ALPK1: variants seen among roughly 807,000 people sequenced by gnomAD.
The protein encoded by ALPK1 is alpha kinase 1.
Under a neutral mutation model 120.6 loss-of-function variants are expected in ALPK1, and 110 were observed. The ratio of observed to expected loss-of-function variants is 0.91; its 90% CI spans 0.78 to 1.07. The LOEUF is 1.07. ALPK1 is among the 50% of genes least tolerant of loss of function. ALPK1 has a pLI of 0.00. For synonymous variants in ALPK1, 582 were observed against 560.3 expected (o/e 1.04, Z -0.55); for missense variants, 1,498 against 1,483.9 (o/e 1.01, Z -0.16).
intron 1 of ALPK1, among the ~76,000 whole-genome samples, chr4:112,301,971 C>T (rs1282010554): frequency 6.6e-6 from 1 of 152,176 alleles, no homozygotes; most frequent in Non-Finnish European, 1.5e-5. Flanking sequence ...GATGACCTCT[C>T]TCTCCAAAAC....
chr4:112,433,334 G>C (rs1312618512), intron 11 of ALPK1, among the ~76,000 whole-genome samples: 1 of 152,170 alleles, frequency 6.6e-6, no homozygotes, highest in African/African-American at 2.4e-5. Flanking sequence ...ATAGTGGAAG[G>C]GGGAAGGGTT....
At chr4:112,438,730 C>A in intron 13 of ALPK1, 84 bp downstream of exon 13, 1 of 1,463,442 alleles carries the variant, frequency 6.8e-7, no homozygotes. Context: ...TCCACATAAT[C>A]AGGCTAGCAT....
intron 5 of ALPK1, among the ~76,000 whole-genome samples, chr4:112,420,600 T>G (rs1733948082): frequency 6.6e-6 from 1 of 152,064 alleles, no homozygotes; most frequent in South Asian, 2.1e-4. Flanking sequence ...ATAATTTCAA[T>G]AGGCGCTTCT....
Position 112,431,704 on chromosome 4 carries a change from T to G in ALPK1, c.2157T>G (p.Ser719=). 1.2e-6 allele frequency: 2 copies of G among 1,614,238 alleles called. 1 individual carries two copies. Among genetic ancestry groups the G allele is most frequent in the South Asian group, 2.2e-5 (2 of 91,088 alleles). ...CTCACTCCAGACCCTCATATCGTTC[T>G]GCTTCTTGGTCTTCTGATTCTGGTA... ...TSAHSRPSYR[S]ASWSSDSGRP... is the part of the protein sequence containing the mutation. The change falls in exon 11 of 16, where the codon TCT becomes TCG. Residue 719 remains serine (S), a synonymous_variant. Coordinates refer to ENST00000650871, the MANE Select transcript of ALPK1 (RefSeq NM_025144.4).
intron 5 of ALPK1, among the ~76,000 whole-genome samples, chr4:112,419,283 C>T (rs1733882739): frequency 6.6e-6 from 1 of 152,130 alleles, no homozygotes; most frequent in African/African-American, 2.4e-5. Context: ...CTCTGTTTCT[C>T]TGTTTTTCTT....
intron 9 of ALPK1, among the ~76,000 whole-genome samples, chr4:112,428,466 A>G (rs1235792658): frequency 1.3e-5 from 2 of 152,226 alleles, no homozygotes; most frequent in Non-Finnish European, 2.9e-5. Context: ...CAGCTTGCTG[A>G]TGGTAATCTG....
intron 4 of ALPK1, among the ~76,000 whole-genome samples, chr4:112,389,092 T>G (rs1023863333): frequency 6.6e-6 from 1 of 150,712 alleles, no homozygotes; most frequent in Non-Finnish European, 1.5e-5. Context: ...TTGTCCAGGC[T>G]GGAGTGCAAT....
intron 2 of ALPK1, among the ~76,000 whole-genome samples, chr4:112,333,648 T>C (rs1015203334): frequency 3.3e-5 from 5 of 152,218 alleles, no homozygotes; most frequent in African/African-American, 1.2e-4. Context: ...CCCACATTAA[T>C]GTTTGACCCA....
chr4:112,321,825 A>G (rs1290698685), intron 2 of ALPK1, among the ~76,000 whole-genome samples: 1 of 152,244 alleles, frequency 6.6e-6, no homozygotes, highest in African/African-American at 2.4e-5. Flanking sequence ...ATGTTCCACA[A>G]AATTTTCCAT....
At chr4:112,334,754 C>T (rs970707880) in intron 2 of ALPK1, among the ~76,000 whole-genome samples, 1 of 152,090 alleles carries the variant, frequency 6.6e-6, no homozygotes, top group Non-Finnish European at 1.5e-5. Context: ...TAATGTTGGA[C>T]CCAAATCCTT....
At chr4:112,422,744 A>T (rs897551045) in intron 5 of ALPK1, among the ~76,000 whole-genome samples, 1 of 152,346 alleles carries the variant, frequency 6.6e-6, no homozygotes, top group Non-Finnish European at 1.5e-5. Context: ...GAAGGTCTGG[A>T]ATGGTTTCAT....
At chr4:112,417,817 A>G (rs1370463730) in intron 5 of ALPK1, among the ~76,000 whole-genome samples, 1 of 152,186 alleles carries the variant, frequency 6.6e-6, no homozygotes, top group Non-Finnish European at 1.5e-5. Context: ...CTATTCATTT[A>G]GTGCACCACA....
In ALPK1 at chr4:112,382,565, ACAC is replaced by A; in HGVS notation, c.276+18_276+20del. 1 of 1,614,146 alleles carries A rather than the reference ACAC, an allele frequency of 6.2e-7. No individual in the cohort carries two copies. The highest frequency in any genetic ancestry group is 8.5e-7 in the Non-Finnish European group (1 of 1,179,982). ...GCAGCAGTTACTGGTAGGAAGAGCC[ACAC>A]CACCTGTTCCTCTGATATCCCCAAG... On this transcript the variant is annotated intron_variant, in intron 4 of 15. Coordinates refer to ENST00000650871, the MANE Select transcript of ALPK1 (RefSeq NM_025144.4).
intron 10 of ALPK1, 27 bp downstream of exon 10, chr4:112,429,280 C>A: frequency 6.4e-7 from 1 of 1,566,232 alleles, no homozygotes; most frequent in South Asian, 1.1e-5. Context: ...GCTCCTCAAA[C>A]CCCCACAGGA....
chr4:112,363,982 A>G (rs1039850384), intron 2 of ALPK1, among the ~76,000 whole-genome samples: 2 of 152,208 alleles, frequency 1.3e-5, no homozygotes, highest in Non-Finnish European at 2.9e-5. Context: ...AGTAAAATCA[A>G]GATAGAAATT....
At chr4:112,371,015 G>A (rs931281613) in intron 2 of ALPK1, among the ~76,000 whole-genome samples, 4 of 152,062 alleles carry the variant, frequency 2.6e-5, no homozygotes, top group African/African-American at 9.7e-5. Context: ...TGGTAACATT[G>A]TCCACTCAGT....
At chr4:112,364,702 G>A (rs1479205924) in intron 2 of ALPK1, among the ~76,000 whole-genome samples, 1 of 152,066 alleles carries the variant, frequency 6.6e-6, no homozygotes, top group African/African-American at 2.4e-5. Context: ...CCTAAATCAT[G>A]CTATGAACCC....
At chr4:112,390,067 G>A (rs1044574372) in intron 4 of ALPK1, among the ~76,000 whole-genome samples, 2 of 152,166 alleles carry the variant, frequency 1.3e-5, no homozygotes, top group African/African-American at 4.8e-5. Flanking sequence ...GCACAGAGGT[G>A]TTTGTGCAAA....
At chr4:112,436,114 C>T (rs1352864267) in intron 12 of ALPK1, among the ~76,000 whole-genome samples, 3 of 152,112 alleles carry the variant, frequency 2.0e-5, no homozygotes, top group Non-Finnish European at 4.4e-5. Flanking sequence ...TTGCTCAAAT[C>T]CAAATAGTGT....
Sources: allele counts gnomAD v4.1 joint callset (sites outside exome capture counted in the v4.1 genomes callset), GRCh38; gene constraint gnomAD v4.1.1; transcripts MANE v1.5; gene names NCBI Gene and HGNC (gene_info 2026-07-23, HGNC 2026-07-21).